CRPPA: variants seen among roughly 807,000 people sequenced by gnomAD.
CRPPA encodes the protein CDP-L-ribitol pyrophosphorylase A.
CRPPA carries 43 observed loss-of-function variants against 52.0 expected under a neutral mutation model. That is an observed-to-expected ratio of 0.83 (90% CI 0.65 to 1.07). The LOEUF is 1.07. CRPPA is among the 50% of genes least tolerant of loss of function. CRPPA has a pLI of 0.00. For missense variants in CRPPA, 629 were observed against 551.7 expected, an observed-to-expected ratio of 1.14 and a Z score of -1.40; for synonymous variants, 250 against 203.5, an observed-to-expected ratio of 1.23 and a Z score of -1.94.
chr7:16,373,100 G>T (rs1264132933), intron 3 of CRPPA, among the ~76,000 whole-genome samples: 1 of 152,166 alleles, frequency 6.6e-6, no homozygotes, highest in Non-Finnish European at 1.5e-5. Context: ...TTTGAGACCA[G>T]CCTGGCCAAC....
At chr7:16,393,938 A>C (rs761208180) in intron 2 of CRPPA, among the ~76,000 whole-genome samples, 3 of 152,180 alleles carry the variant, frequency 2.0e-5, no homozygotes, top group Non-Finnish European at 4.4e-5. Flanking sequence ...AAATATAAAA[A>C]GATGCCCAAC....
intron 3 of CRPPA, among the ~76,000 whole-genome samples, chr7:16,322,779 G>T (rs902198064): frequency 6.6e-6 from 1 of 152,106 alleles, no homozygotes; most frequent in Non-Finnish European, 1.5e-5. Flanking sequence ...AGTGAACAGT[G>T]TATCAGTCCG....
In CRPPA at chr7:16,088,034, ACT is replaced by A. The variant is rs1448685526; in HGVS notation, c.*3659_*3660del. 1.3e-5 allele frequency: 2 copies of A among 152,132 alleles called. No homozygotes were observed. The highest frequency in any genetic ancestry group is 6.5e-5 in the Admixed American group (1 of 15,276). 9.4% of individuals were successfully genotyped at this position (152,132 alleles called of 1,614,324 possible). ...ACTTACAATAATAACCATAACAATG[ACT>A]CTGAGAGAATATAGGGAGCTGACTC... On this transcript the variant is annotated 3_prime_UTR_variant, in exon 10 of 10. Transcript: ENST00000407010.
chr7:16,397,709 C>A (rs921629043), intron 2 of CRPPA, among the ~76,000 whole-genome samples: 1 of 152,216 alleles, frequency 6.6e-6, no homozygotes, highest in Non-Finnish European at 1.5e-5. Flanking sequence ...ACATGATTGA[C>A]ATGCGACCAA....
At chr7:16,336,395 A>T (rs1785681434) in intron 3 of CRPPA, among the ~76,000 whole-genome samples, 2 of 152,278 alleles carry the variant, frequency 1.3e-5, no homozygotes, top group South Asian at 2.1e-4. Flanking sequence ...TTTGTATGTA[A>T]TTAAAGGCAA....
chr7:16,267,554 T>TG (rs1783986403), intron 6 of CRPPA, among the ~76,000 whole-genome samples: 1 of 152,158 alleles, frequency 6.6e-6, no homozygotes, highest in African/African-American at 2.4e-5. Context: ...ATCTAGCAAA[T>TG]GAAAGAAAAC....
chr7:16,110,914 A>C (rs765499295), intron 9 of CRPPA, among the ~76,000 whole-genome samples: 7 of 152,142 alleles, frequency 4.6e-5, no homozygotes, highest in Non-Finnish European at 1.0e-4. Context: ...TAAGTACAGG[A>C]AACAAAAGCG....
intron 9 of CRPPA, among the ~76,000 whole-genome samples, chr7:16,110,914 A>G (rs765499295): frequency 1.2e-4 from 19 of 152,142 alleles, no homozygotes; most frequent in African/African-American, 4.3e-4. Flanking sequence ...TAAGTACAGG[A>G]AACAAAAGCG....
chr7:16,134,133 A>C (rs1224124968), intron 9 of CRPPA, among the ~76,000 whole-genome samples: 1 of 123,994 alleles, frequency 8.1e-6, no homozygotes, highest in Admixed American at 8.1e-5. Flanking sequence ...GGGTTTCACC[A>C]TGTTAGTCAG....
chr7:16,413,793 A>G (rs1788125733), intron 1 of CRPPA, among the ~76,000 whole-genome samples: 3 of 152,234 alleles, frequency 2.0e-5, no homozygotes, highest in African/African-American at 4.8e-5. Flanking sequence ...CAATAATGAA[A>G]TATAGACTTT....
rs1781776868 is a variant in CRPPA at position 16,089,412 on chromosome 7, T to C, written c.*2283A>G. ...TATGTATGTACATAATGTGTATATA[T>C]GTACGTACATACATATATGTGTATA... On this transcript the variant is annotated 3_prime_UTR_variant, in exon 10 of 10. Coordinates refer to ENST00000407010, the MANE Select transcript of CRPPA (RefSeq NM_001101426.4). 2.8e-6 allele frequency: 1 copy of C among 352,980 alleles called. No homozygotes were observed. The highest frequency in any genetic ancestry group is 6.4e-6 in the Non-Finnish European group (1 of 155,818). The allele number at this position is 352,980 out of a possible 1,614,324, so 21.9% of individuals were successfully genotyped here. A position where few individuals can be genotyped will look rare whatever the true frequency, so the allele number is the denominator to read the frequency against.
chr7:16,271,777 C>T (rs1463894060), intron 6 of CRPPA, among the ~76,000 whole-genome samples: 1 of 152,166 alleles, frequency 6.6e-6, no homozygotes. Context: ...TTAGAATATT[C>T]ATCACAATTT....
chr7:16,255,884 CAA>C (rs1251101467), intron 8 of CRPPA, among the ~76,000 whole-genome samples: 1 of 152,036 alleles, frequency 6.6e-6, no homozygotes, highest in Non-Finnish European at 1.5e-5. Context: ...TAAAGATGGG[CAA>C]AGTCTTCATG....
intron 3 of CRPPA, among the ~76,000 whole-genome samples, chr7:16,344,238 A>G (rs566996178): frequency 6.6e-6 from 1 of 152,038 alleles, no homozygotes. Flanking sequence ...GTCAAGAGAA[A>G]CTGTCCTGCA....
intron 3 of CRPPA, among the ~76,000 whole-genome samples, chr7:16,324,944 A>C (rs1047063897): frequency 4.6e-5 from 7 of 152,222 alleles, no homozygotes; most frequent in Non-Finnish European, 5.9e-5. Flanking sequence ...TCTAGATGAC[A>C]ATTCCTGCTA....
chr7:16,098,994 G>A (rs1021118320), intron 9 of CRPPA, among the ~76,000 whole-genome samples: 2 of 152,216 alleles, frequency 1.3e-5, no homozygotes, highest in African/African-American at 2.4e-5. Context: ...CATAATCATC[G>A]CACAACAGTT....
At chr7:16,191,074 T>C (rs754665096) in intron 9 of CRPPA, among the ~76,000 whole-genome samples, 1 of 152,156 alleles carries the variant, frequency 6.6e-6, no homozygotes, top group Non-Finnish European at 1.5e-5. Flanking sequence ...AATTATCCAA[T>C]TGTTAATTGT....
chr7:16,291,031 T>G (rs1387803977), intron 5 of CRPPA, among the ~76,000 whole-genome samples: 1 of 151,952 alleles, frequency 6.6e-6, no homozygotes, highest in Non-Finnish European at 1.5e-5. Flanking sequence ...AAAACAAATG[T>G]TCAACATCAC....
chr7:16,353,131 G>A (rs1035202371), intron 3 of CRPPA, among the ~76,000 whole-genome samples: 1 of 152,024 alleles, frequency 6.6e-6, no homozygotes, highest in African/African-American at 2.4e-5. Context: ...CAAGCAGAGA[G>A]AATTGCTTGA....
Sources: allele counts gnomAD v4.1 joint callset (sites outside exome capture counted in the v4.1 genomes callset), GRCh38; gene constraint gnomAD v4.1.1; transcripts MANE v1.5; gene names NCBI Gene and HGNC (gene_info 2026-07-23, HGNC 2026-07-21).